Variants in YTHDC2 observed in about 807,000 individuals in gnomAD.
YTHDC2 encodes the protein 3'-5' RNA helicase YTHDC2.
YTHDC2 carries 45 observed loss-of-function variants against 174.9 expected under a neutral mutation model. The ratio of observed to expected loss-of-function variants is 0.26; its 90% CI spans 0.20 to 0.33. YTHDC2 has a LOEUF of 0.33. YTHDC2 is among the 10% of genes least tolerant of loss of function. YTHDC2 has a pLI of 1.00. For missense variants in YTHDC2, 1,650 were observed against 1,723.7 expected (o/e 0.96, Z 0.76); for synonymous variants, 657 against 574.5 (o/e 1.14, Z -2.05).
chr5:113,583,640 C>A (rs1328589483), intron 25 of YTHDC2: 1 of 152,180 alleles, frequency 6.6e-6, no homozygotes, highest in Non-Finnish European at 1.5e-5. Flanking sequence ...CACGCCACCA[C>A]GCCCGGCTAA....
intron 4 of YTHDC2, among the ~76,000 whole-genome samples, chr5:113,527,670 A>G (rs1318766378): frequency 6.6e-6 from 1 of 152,222 alleles, no homozygotes; most frequent in East Asian, 1.9e-4. Flanking sequence ...TGAAGGACTT[A>G]AACATTTTTA....
chr5:113,521,679 C>T (rs536125335), intron 2 of YTHDC2, among the ~76,000 whole-genome samples: 32 of 149,666 alleles, frequency 2.1e-4, no homozygotes, highest in African/African-American at 6.6e-4. Context: ...TGCAGTGAGC[C>T]GAGATCGTGC....
chr5:113,560,156 A>G (rs917012112), intron 17 of YTHDC2, among the ~76,000 whole-genome samples: 1 of 152,164 alleles, frequency 6.6e-6, no homozygotes, highest in Non-Finnish European at 1.5e-5. Context: ...CATCCACCTT[A>G]TAGTCCTGGC....
At chr5:113,525,718 G>A (rs10037429) in intron 3 of YTHDC2, among the ~76,000 whole-genome samples, 134,107 of 152,026 alleles carry the variant, frequency 0.88, 59,280 homozygotes, top group East Asian at 0.97. Flanking sequence ...TCAAAAGTAG[G>A]TAGATAATGT....
intron 1 of YTHDC2, 141 bp from the exon 2 acceptor site, chr5:113,515,131 A>G (rs564164462): frequency 2.1e-6 from 1 of 475,488 alleles, no homozygotes; most frequent in African/African-American, 2.0e-5. Flanking sequence ...TAAATAGAAT[A>G]TGAAATATAA....
chr5:113,537,452 A>T (rs1372853832), intron 7 of YTHDC2, among the ~76,000 whole-genome samples: 1 of 146,444 alleles, frequency 6.8e-6, no homozygotes, highest in Non-Finnish European at 1.5e-5. Flanking sequence ...ATTATATCCC[A>T]TGCTTTCTCA....
At chr5:113,590,540 CCT>C (rs1561715335) in intron 26 of YTHDC2, among the ~76,000 whole-genome samples, 1 of 152,170 alleles carries the variant, frequency 6.6e-6, no homozygotes. Flanking sequence ...TGTGGGAACC[CCT>C]CTGTGTTTCC....
chr5:113,574,160 ATGT>A (rs1024795092), intron 23 of YTHDC2, among the ~76,000 whole-genome samples: 2 of 151,914 alleles, frequency 1.3e-5, no homozygotes, highest in African/African-American at 2.4e-5. Context: ...TTTTCTGTTG[ATGT>A]TGTTGTTGTT....
chr5:113,581,970 A>G (rs1484072145), intron 25 of YTHDC2: 1 of 256,284 alleles, frequency 3.9e-6, no homozygotes, highest in East Asian at 7.4e-5. Flanking sequence ...AGGTCAAAAT[A>G]TCTAATTTCT....
At position 113,526,651 on chromosome 5, in the gene YTHDC2, A is replaced by G; in HGVS notation, c.541A>G (p.Arg181Gly). Reference sequence around the variant, plus strand: ...TGGCATACCTCAGATTCCAGTGAAAAGAGGAGAATCCGAATTTGATTCTTT... The same window carrying G: ...TGGCATACCTCAGATTCCAGTGAAAGGAGGAGAATCCGAATTTGATTCTTT... Reference protein sequence around the residue: ...NNGIPQIPVKRGESEFDSFRQ... With the variant: ...NNGIPQIPVKGGESEFDSFRQ... The change falls in exon 4 of 30, where the codon AGA (arginine) becomes GGA (glycine). Residue 181 changes from arginine to glycine, a missense_variant. Physicochemically the swap from Arg to Gly is moderately radical, Grantham distance 125 (BLOSUM62 -2). Transcript: ENST00000161863. 6.2e-7 allele frequency: 1 copy of G among 1,606,626 alleles called. No individual in the cohort carries two copies. The highest frequency in any genetic ancestry group is 8.5e-7 in the Non-Finnish European group (1 of 1,175,918).
chr5:113,572,340 T>G (rs145524547), intron 23 of YTHDC2, among the ~76,000 whole-genome samples: 378 of 152,244 alleles, frequency 2.5e-3, no homozygotes, highest in South Asian at 1.7e-3. Flanking sequence ...TAGACTGTTA[T>G]GATTTTACTT....
chr5:113,534,477 G>A, intron 6 of YTHDC2, 70 bp downstream of exon 6: 1 of 1,373,236 alleles, frequency 7.3e-7, no homozygotes, highest in African/African-American at 1.4e-5. Context: ...TGCCGTTTCA[G>A]GATAGTCTCA....
At chr5:113,529,579 T>A (rs1189826880) in intron 4 of YTHDC2, among the ~76,000 whole-genome samples, 1 of 152,194 alleles carries the variant, frequency 6.6e-6, no homozygotes, top group Non-Finnish European at 1.5e-5. Context: ...ATCAAGCTGA[T>A]AAGCTTGATA....
intron 4 of YTHDC2, 39 bp downstream of exon 4, chr5:113,526,824 A>T (rs372674039): frequency 0.016 from 4,739 of 289,160 alleles, 40 homozygotes; most frequent in African/African-American, 0.022. Flanking sequence ...AAAAAAAAAA[A>T]AAATATATAT....
chr5:113,563,939 T>C lies in YTHDC2; in HGVS notation c.2523T>C (p.Leu841=), dbSNP rs763956597. The part of the protein sequence containing the change: ...HLADLPVEPH[L]GKMVLCAVVL... ...CTGACTTGCCAGTAGAACCACATCT[T>C]GGTAAAATGGTCTTGTGTGCTGTTG... The change falls in exon 20 of 30, where the codon CTT becomes CTC. Residue 841 remains leucine (L), a synonymous_variant. Coordinates refer to ENST00000161863, the MANE Select transcript of YTHDC2 (RefSeq NM_022828.5). 1 of 1,614,176 alleles carries C rather than the reference T, an allele frequency of 6.2e-7. No individual in the cohort carries two copies. The highest frequency in any genetic ancestry group is 8.5e-7 in the Non-Finnish European group (1 of 1,180,024).
At chr5:113,562,841 A>G (rs115318774) in intron 18 of YTHDC2, among the ~76,000 whole-genome samples, 2,775 of 152,264 alleles carry the variant, frequency 0.018, 40 homozygotes, top group Middle Eastern at 0.075. Context: ...TTAGCTCCCT[A>G]TAGCCTTCAT....
intron 26 of YTHDC2, among the ~76,000 whole-genome samples, chr5:113,588,251 T>C (rs1397652425): frequency 6.6e-6 from 1 of 152,128 alleles, no homozygotes; most frequent in Non-Finnish European, 1.5e-5. Flanking sequence ...TGTTCAGTGT[T>C]GAGAGCCACA....
At chr5:113,562,974 C>G (rs1028307282) in intron 18 of YTHDC2, among the ~76,000 whole-genome samples, 18 of 152,076 alleles carry the variant, frequency 1.2e-4, no homozygotes, top group Non-Finnish European at 1.0e-4. Flanking sequence ...TTCTTTTTCT[C>G]CAATTTGCAC....
At chr5:113,576,097 T>C (rs1370208748) in intron 23 of YTHDC2, among the ~76,000 whole-genome samples, 1 of 152,052 alleles carries the variant, frequency 6.6e-6, no homozygotes, top group Non-Finnish European at 1.5e-5. Context: ...TAAGACACTC[T>C]AAGTAAATTT....
Sources: allele counts gnomAD v4.1 joint callset (sites outside exome capture counted in the v4.1 genomes callset), GRCh38; gene constraint gnomAD v4.1.1; transcripts MANE v1.5; gene names NCBI Gene and HGNC (gene_info 2026-07-23, HGNC 2026-07-21).